Variants in UNC13C observed in about 807,000 individuals in gnomAD.
The protein encoded by UNC13C is unc-13 homolog C.
A neutral mutation model predicts 245.4 loss-of-function variants in UNC13C; 174 were observed. The ratio of observed to expected loss-of-function variants is 0.71; its 90% CI spans 0.63 to 0.80. The LOEUF is 0.80. UNC13C is among the 30% of genes least tolerant of loss of function. UNC13C has a pLI of 0.00. For synonymous variants in UNC13C, 992 were observed against 895.1 expected (o/e 1.11, Z -1.93); for missense variants, 2,829 against 2,602.9 (o/e 1.09, Z -1.89).
At chr15:54,048,997 C>T in intron 2 of UNC13C, 1 of 374,222 alleles carries the variant, frequency 2.7e-6, no homozygotes, top group Non-Finnish European at 5.3e-6. Flanking sequence ...ACCATTGTTC[C>T]AAGTTTGAGA....
chr15:54,419,438 A>T (rs533641094), intron 19 of UNC13C, among the ~76,000 whole-genome samples: 10 of 152,280 alleles, frequency 6.6e-5, no homozygotes, highest in African/African-American at 2.2e-4. Flanking sequence ...TAACTTCAAT[A>T]ACTTTTAAAT....
At chr15:54,435,418 T>C (rs1176733283) in intron 19 of UNC13C, among the ~76,000 whole-genome samples, 1 of 152,090 alleles carries the variant, frequency 6.6e-6, no homozygotes. Context: ...TGAGTTTATG[T>C]CCTTTGCAAG....
chr15:54,432,766 G>A (rs969916996), intron 19 of UNC13C, among the ~76,000 whole-genome samples: 1 of 151,774 alleles, frequency 6.6e-6, no homozygotes, highest in African/African-American at 2.4e-5. Context: ...AACTGAAGGA[G>A]ATGGAGACAT....
chr15:54,195,809 A>G (rs1421766556), intron 4 of UNC13C, among the ~76,000 whole-genome samples: 3 of 152,176 alleles, frequency 2.0e-5, no homozygotes, highest in Admixed American at 6.6e-5. Context: ...CAATGAAGAC[A>G]TCTTATTGCA....
intron 30 of UNC13C, among the ~76,000 whole-genome samples, chr15:54,601,511 A>C (rs1467668697): frequency 6.6e-6 from 1 of 152,200 alleles, no homozygotes; most frequent in African/African-American, 2.4e-5. Context: ...CAGACACAAA[A>C]TGTGGGCAAA....
chr15:54,086,717 A>G (rs553124949), intron 2 of UNC13C, among the ~76,000 whole-genome samples: 131 of 111,500 alleles, frequency 1.2e-3, no homozygotes, highest in African/African-American at 3.3e-3. Context: ...CACATGTACT[A>G]TGTGTTGCTT....
At chr15:53,981,251 T>C (rs2711591) in intron 1 of UNC13C, among the ~76,000 whole-genome samples, 145,800 of 152,286 alleles carry the variant, frequency 0.96, 69,857 homozygotes, top group Middle Eastern at 0.99. Context: ...TCAACATATA[T>C]GTTTCTGTTA....
At chr15:53,861,763 T>C in the UNC13C span, among the ~76,000 whole-genome samples, 1 of 152,116 alleles carries the variant, frequency 6.6e-6, no homozygotes, top group African/African-American at 2.4e-5. Context: ...TCCAGAAGAA[T>C]TGTAAAGAGG....
At chr15:54,314,380 A>C (rs1209095777) in intron 13 of UNC13C, among the ~76,000 whole-genome samples, 1 of 151,832 alleles carries the variant, frequency 6.6e-6, no homozygotes, top group Non-Finnish European at 1.5e-5. Flanking sequence ...TATTGTATAC[A>C]TATTTCAAAC....
At chr15:54,620,718 C>T (rs913284761) in intron 30 of UNC13C, among the ~76,000 whole-genome samples, 23 of 149,664 alleles carry the variant, frequency 1.5e-4, no homozygotes, top group South Asian at 4.2e-4. Context: ...CCCTACAAGT[C>T]GAGCCTAGAG....
At chr15:54,442,408 G>A (rs1325291223) in intron 19 of UNC13C, among the ~76,000 whole-genome samples, 1 of 151,792 alleles carries the variant, frequency 6.6e-6, no homozygotes, top group Non-Finnish European at 1.5e-5. Flanking sequence ...TTTTTGTAGA[G>A]ACCAGGGTTT....
chr15:54,254,280 A>C (rs1481792015), intron 8 of UNC13C, among the ~76,000 whole-genome samples: 1 of 152,244 alleles, frequency 6.6e-6, no homozygotes, highest in Non-Finnish European at 1.5e-5. Context: ...CAGAGCTGCA[A>C]AGAAAGTAAG....
chr15:54,281,819 A>C (rs991823306), intron 10 of UNC13C, among the ~76,000 whole-genome samples: 2 of 152,238 alleles, frequency 1.3e-5, no homozygotes, highest in African/African-American at 4.8e-5. Flanking sequence ...TAAGTAGTAC[A>C]ATAGTCAACA....
chr15:54,205,394 G>A (rs1170766051), intron 4 of UNC13C, among the ~76,000 whole-genome samples: 1 of 151,860 alleles, frequency 6.6e-6, no homozygotes, highest in East Asian at 1.9e-4. Context: ...TTCTATAGGC[G>A]ACAAGCTCAT....
At chr15:54,545,776 C>G (rs1238623904) in intron 26 of UNC13C, among the ~76,000 whole-genome samples, 2 of 152,204 alleles carry the variant, frequency 1.3e-5, no homozygotes, top group East Asian at 3.9e-4. Context: ...CAGTGAGATA[C>G]CATCTCACGC....
At chr15:54,061,159 A>G (rs1897814298) in intron 2 of UNC13C, among the ~76,000 whole-genome samples, 1 of 151,856 alleles carries the variant, frequency 6.6e-6, no homozygotes, top group Non-Finnish European at 1.5e-5. Flanking sequence ...AAAATAAAAA[A>G]GACAAAAAAA....
At chr15:54,616,172 A>C (rs1406402988) in intron 30 of UNC13C, among the ~76,000 whole-genome samples, 1 of 152,018 alleles carries the variant, frequency 6.6e-6, no homozygotes, top group Non-Finnish European at 1.5e-5. Context: ...AGCCATGGAG[A>C]CTCACTTAAT....
At chr15:54,237,538 T>C in intron 6 of UNC13C, 81 bp from the exon 7 acceptor site, 1 of 1,053,986 alleles carries the variant, frequency 9.5e-7, no homozygotes, top group Non-Finnish European at 1.4e-6. Flanking sequence ...GCCCATATTC[T>C]TGCATTTTCA....
At chr15:53,925,530 C>A in the UNC13C span, among the ~76,000 whole-genome samples, 1 of 152,118 alleles carries the variant, frequency 6.6e-6, no homozygotes, top group Admixed American at 6.5e-5. Context: ...GCTTGTCTTG[C>A]AGAATAGAAG....
Sources: gnomAD v4.1 joint callset for allele counts (sites outside exome capture counted in the v4.1 genomes callset) on GRCh38, gnomAD v4.1.1 for gene constraint, MANE v1.5 for transcripts, NCBI Gene and HGNC (gene_info 2026-07-23, HGNC 2026-07-21) for gene names.